TTC17: variants seen among roughly 807,000 people sequenced by gnomAD.
The protein encoded by TTC17 is tetratricopeptide repeat domain 17.
In TTC17, 58 loss-of-function variants were observed where a neutral mutation model predicts 143.8. The observed-to-expected ratio is 0.40, with a 90% CI of 0.33 to 0.50. The LOEUF (loss-of-function observed/expected upper bound fraction) is 0.50, where lower values mean the gene tolerates loss of function less well. Among genes scored for constraint, TTC17 ranks in the 20% least tolerant of loss-of-function variants. TTC17 has a pLI of 0.49. For missense variants in TTC17, 1,273 were observed against 1,392.5 expected, an observed-to-expected ratio of 0.91 and a Z score of 1.37; for synonymous variants, 501 against 497.8, an observed-to-expected ratio of 1.01 and a Z score of -0.09.
At chr11:43,364,327 G>A (rs546061978) in intron 1 of TTC17, among the ~76,000 whole-genome samples, 2 of 152,222 alleles carry the variant, frequency 1.3e-5, no homozygotes, top group African/African-American at 4.8e-5. Context: ...AAAGTGCTGG[G>A]ATTACAGGTG....
chr11:43,398,589 A>G (rs1667832340), intron 8 of TTC17, among the ~76,000 whole-genome samples: 2 of 152,180 alleles, frequency 1.3e-5, no homozygotes, highest in South Asian at 2.1e-4. Context: ...ATTGAGAGAC[A>G]TTATTTGGCC....
At chr11:43,486,544 GAA>G (rs1948384633) in intron 21 of TTC17, 1 of 300,666 alleles carries the variant, frequency 3.3e-6, no homozygotes, top group Non-Finnish European at 7.2e-6. Flanking sequence ...GTCAGAGATA[GAA>G]CTATGTTTAA....
At chr11:43,489,097 C>G (rs1037180992) in intron 21 of TTC17, among the ~76,000 whole-genome samples, 1 of 152,170 alleles carries the variant, frequency 6.6e-6, no homozygotes, top group Non-Finnish European at 1.5e-5. Flanking sequence ...ATCTACATCA[C>G]ACAAAGTACC....
intron 16 of TTC17, among the ~76,000 whole-genome samples, chr11:43,426,719 A>G (rs1351473312): frequency 6.6e-6 from 1 of 152,194 alleles, no homozygotes; most frequent in Non-Finnish European, 1.5e-5. Context: ...TTGATCAATT[A>G]TGGAATAACT....
At chr11:43,388,903 G>C (rs1233234255) in intron 2 of TTC17, among the ~76,000 whole-genome samples, 1 of 151,770 alleles carries the variant, frequency 6.6e-6, no homozygotes, top group Non-Finnish European at 1.5e-5. Flanking sequence ...CTGAGCCCTG[G>C]AGTTTGAGGT....
intron 7 of TTC17, 107 bp from the exon 8 acceptor site, chr11:43,397,867 G>A: frequency 1.4e-6 from 2 of 1,462,638 alleles, no homozygotes; most frequent in Non-Finnish European, 9.2e-7. Flanking sequence ...GATTTGGACA[G>A]ATGCAACCAG....
intron 1 of TTC17, among the ~76,000 whole-genome samples, chr11:43,365,897 A>T (rs750195775): frequency 6.6e-6 from 1 of 151,928 alleles, no homozygotes. Context: ...CTGTACATAC[A>T]CCTGAGCATC....
intron 21 of TTC17, among the ~76,000 whole-genome samples, chr11:43,467,929 GGCAGGA>G (rs1290970975): frequency 6.6e-6 from 1 of 150,426 alleles, no homozygotes; most frequent in Non-Finnish European, 1.5e-5. Context: ...GAGAGAACAA[GGCAGGA>G]GCAAGGTTTG....
intron 21 of TTC17, among the ~76,000 whole-genome samples, chr11:43,462,283 G>A (rs1947883614): frequency 6.6e-6 from 1 of 152,192 alleles, no homozygotes; most frequent in South Asian, 2.1e-4. Flanking sequence ...TACATACACA[G>A]TATGGAAAGA....
chr11:43,474,339 A>C (rs542842932), intron 21 of TTC17, among the ~76,000 whole-genome samples: 52 of 152,368 alleles, frequency 3.4e-4, no homozygotes, highest in African/African-American at 1.1e-3. Flanking sequence ...AAGAGTGGAT[A>C]TATGTAGAGA....
chr11:43,412,814 T>A lies in TTC17; in HGVS notation c.2065-1776T>A, dbSNP rs571780356. On this transcript the variant is annotated intron_variant, in intron 15 of 23. Coordinates refer to ENST00000039989, the MANE Select transcript of TTC17 (RefSeq NM_018259.6). ...GATACTCAACTTGTAAAGGGAGATA[T>A]ACATCATGTTCACACATTGAGAGAG... 5.3e-5 allele frequency among the ~76,000 whole-genome samples: 8 copies of A among 152,308 alleles called. No individual in the cohort carries two copies. In the South Asian group the frequency reaches 1.4e-3, roughly 28 times the overall value.
chr11:43,407,321 T>G (rs1269271487), intron 14 of TTC17, 32 bp from the exon 15 acceptor site: 1 of 1,602,604 alleles, frequency 6.2e-7, no homozygotes, highest in Admixed American at 1.7e-5. Flanking sequence ...ACTGTATTCT[T>G]GTACTAACTG....
At chr11:43,432,980 G>T (rs1297359047) in intron 16 of TTC17, among the ~76,000 whole-genome samples, 1 of 143,534 alleles carries the variant, frequency 7.0e-6, no homozygotes, top group African/African-American at 3.0e-5. Context: ...TTTTTTGTTG[G>T]TTTTTTGGGT....
In TTC17 at chr11:43,405,561, C is replaced by T; in HGVS notation, c.1527C>T (p.Ser509=). 6.2e-7 allele frequency: 1 copy of T among 1,613,946 alleles called. No homozygotes were observed. Among genetic ancestry groups the T allele is most frequent in the Non-Finnish European group, 8.5e-7 (1 of 1,179,880 alleles). ...CTAAAAGAGCAGATTGTACAGAAAGCTACCCTAGAGTCCCTGTTGGTGGGG... is the reference window on the plus strand; with the variant it reads ...CTAAAAGAGCAGATTGTACAGAAAGTTACCCTAGAGTCCCTGTTGGTGGGG... The part of the protein sequence containing the change: ...LWPKRADCTE[S]YPRVPVGGEL... Residue 509 remains serine (S), a synonymous_variant, in exon 12 of 24, where the codon AGC becomes AGT. Coordinates refer to ENST00000039989, the MANE Select transcript of TTC17 (RefSeq NM_018259.6).
chr11:43,479,422 A>T (rs1948245509), intron 21 of TTC17, among the ~76,000 whole-genome samples: 1 of 152,198 alleles, frequency 6.6e-6, no homozygotes, highest in African/African-American at 2.4e-5. Context: ...TATTCAGTTG[A>T]TGGGTTACAT....
At chr11:43,401,593 G>A (rs369271511) in intron 10 of TTC17, 35 bp downstream of exon 10, 53 of 1,419,340 alleles carry the variant, frequency 3.7e-5, no homozygotes, top group Middle Eastern at 1.8e-4. Flanking sequence ...TCTTATAAAC[G>A]TTTGCTTTAT....
intron 21 of TTC17, among the ~76,000 whole-genome samples, chr11:43,475,038 GGA>G (rs1265938602): frequency 6.6e-6 from 1 of 152,064 alleles, no homozygotes; most frequent in Non-Finnish European, 1.5e-5. Flanking sequence ...AGGGGAGGCA[GGA>G]GAGGCAAGCA....
intron 2 of TTC17, among the ~76,000 whole-genome samples, chr11:43,379,610 T>G (rs1160763630): frequency 2.0e-5 from 3 of 152,154 alleles, no homozygotes; most frequent in African/African-American, 7.2e-5. Context: ...TTTTTAAGTT[T>G]TTTCCATCAA....
chr11:43,398,036 G>T lies in TTC17; in HGVS notation c.981G>T (p.Gly327=). The change falls in exon 8 of 24, where the codon GGG becomes GGT. Residue 327 remains glycine (G), a synonymous_variant. Coordinates refer to ENST00000039989, the MANE Select transcript of TTC17 (RefSeq NM_018259.6). ...ACCACGCTTTGCAGGCCAGACCTGGGTTTGAGCAAGCTATAAAGAGGAAGC... is the reference window on the plus strand; with the variant it reads ...ACCACGCTTTGCAGGCCAGACCTGGTTTTGAGCAAGCTATAAAGAGGAAGC... ...CYDHALQARP[G]FEQAIKRKHA... is the part of the protein sequence containing the mutation. 1 of 1,613,888 alleles carries T rather than the reference G, an allele frequency of 6.2e-7. No homozygotes were observed. The highest frequency in any genetic ancestry group is 2.2e-5 in the East Asian group (1 of 44,872).
Sources: allele counts gnomAD v4.1 joint callset (sites outside exome capture counted in the v4.1 genomes callset), GRCh38; gene constraint gnomAD v4.1.1; transcripts MANE v1.5; gene names NCBI Gene and HGNC (gene_info 2026-07-23, HGNC 2026-07-21).